Variants in LGSN observed in about 807,000 individuals in gnomAD.
LGSN encodes lengsin, lens protein with glutamine synthetase domain.
In LGSN, 21 loss-of-function variants were observed where a neutral mutation model predicts 19.5. That is an observed-to-expected ratio of 1.07 (90% CI 0.76 to 1.55). The LOEUF is 1.55. Ranked by LOEUF, LGSN falls within the 40% of genes most tolerant of loss-of-function variation. The probability of loss-of-function intolerance (pLI) is 0.00; values close to 1 mark genes in which losing one functional copy is unlikely to be tolerated. For synonymous variants in LGSN, 257 were observed against 215.6 expected (o/e 1.19, Z -1.68); for missense variants, 673 against 608.5 (o/e 1.11, Z -1.12).
At chr6:63,416,125 CTT>C in the LGSN span, among the ~76,000 whole-genome samples, 3 of 136,334 alleles carry the variant, frequency 2.2e-5, no homozygotes, top group Admixed American at 7.3e-5. Context: ...TTTTTTTTTG[CTT>C]TTTTTTTTTC....
At chr6:63,324,124 C>T (rs1769169965), upstream of LGSN, among the ~76,000 whole-genome samples, 1 of 152,118 alleles carries the variant, frequency 6.6e-6, no homozygotes, top group South Asian at 2.1e-4. Context: ...GAAAACTTCA[C>T]TATACACTAA....
chr6:63,348,426 C>G, the LGSN span, among the ~76,000 whole-genome samples: 2 of 152,122 alleles, frequency 1.3e-5, no homozygotes, highest in East Asian at 3.9e-4. Flanking sequence ...TGCACTCCAG[C>G]CTGGGCGACA....
the LGSN span, among the ~76,000 whole-genome samples, chr6:63,554,267 C>A: frequency 3.3e-5 from 5 of 152,158 alleles, no homozygotes; most frequent in African/African-American, 1.2e-4. Flanking sequence ...AGCTTCTTGT[C>A]TCTCTTAAAC....
At chr6:63,500,015 A>G in the LGSN span, among the ~76,000 whole-genome samples, 1 of 152,210 alleles carries the variant, frequency 6.6e-6, no homozygotes, top group East Asian at 1.9e-4. Context: ...AAGTTCTTAG[A>G]CATCTCTCTG....
chr6:63,290,178 G>T (rs1767710082), intron 2 of LGSN, among the ~76,000 whole-genome samples: 1 of 152,024 alleles, frequency 6.6e-6, no homozygotes, highest in Non-Finnish European at 1.5e-5. Flanking sequence ...ATATGTATTG[G>T]TTTGCAGTTT....
chr6:63,487,964 A>C, the LGSN span, among the ~76,000 whole-genome samples: 1 of 150,762 alleles, frequency 6.6e-6, no homozygotes, highest in African/African-American at 2.5e-5. Flanking sequence ...CGGGCAACAG[A>C]GCAAGACCCC....
At chr6:63,367,196 C>T in the LGSN span, among the ~76,000 whole-genome samples, 1 of 152,156 alleles carries the variant, frequency 6.6e-6, no homozygotes, top group African/African-American at 2.4e-5. Flanking sequence ...ACTCATCTGA[C>T]AAAGGGCTAA....
chr6:63,327,071 C>A, the LGSN span, among the ~76,000 whole-genome samples: 2 of 152,082 alleles, frequency 1.3e-5, no homozygotes, highest in Non-Finnish European at 2.9e-5. Flanking sequence ...GGCTGATGAC[C>A]ACTCTAGCTA....
At chr6:63,484,561 T>C in the LGSN span, among the ~76,000 whole-genome samples, 1 of 151,936 alleles carries the variant, frequency 6.6e-6, no homozygotes, top group African/African-American at 2.4e-5. Context: ...ACTACCCAGA[T>C]GTAAAGACCA....
At chr6:63,476,043 A>AT in the LGSN span, among the ~76,000 whole-genome samples, 573 of 151,956 alleles carry the variant, frequency 3.8e-3, 5 homozygotes, top group African/African-American at 0.013. Flanking sequence ...TATTATGTAG[A>AT]TTTTTTGTTT....
the LGSN span, among the ~76,000 whole-genome samples, chr6:63,516,784 A>G: frequency 6.6e-6 from 1 of 152,220 alleles, no homozygotes; most frequent in Non-Finnish European, 1.5e-5. Flanking sequence ...AGAAAGGGGT[A>G]GGACTTCCTC....
At chr6:63,484,268 C>G in the LGSN span, among the ~76,000 whole-genome samples, 2 of 152,246 alleles carry the variant, frequency 1.3e-5, no homozygotes, top group African/African-American at 4.8e-5. Flanking sequence ...TTTAGGAGGC[C>G]AAGAAGGGCA....
the LGSN span, chr6:63,572,674 C>T: frequency 1.2e-5 from 5 of 409,604 alleles, no homozygotes; most frequent in South Asian, 5.5e-4. Context: ...GCCTCGGGAC[C>T]GGCTGTATGA....
chr6:63,563,200 C>T, the LGSN span, among the ~76,000 whole-genome samples: 19,696 of 152,154 alleles, frequency 0.13, 1,588 homozygotes, highest in African/African-American at 0.22. Flanking sequence ...AAAAACAATT[C>T]TCTTAAAACA....
At chr6:63,416,777 A>C in the LGSN span, among the ~76,000 whole-genome samples, 1 of 151,970 alleles carries the variant, frequency 6.6e-6, no homozygotes, top group Non-Finnish European at 1.5e-5. Flanking sequence ...CATGTTGGCC[A>C]AGCTGGTCTT....
At chr6:63,325,467 C>G in the LGSN span, among the ~76,000 whole-genome samples, 14 of 152,140 alleles carry the variant, frequency 9.2e-5, no homozygotes. Context: ...AACAATTATA[C>G]ACTAACAAAC....
At chr6:63,387,389 T>A in the LGSN span, among the ~76,000 whole-genome samples, 1 of 152,154 alleles carries the variant, frequency 6.6e-6, no homozygotes, top group Non-Finnish European at 1.5e-5. Flanking sequence ...ATTTACATAA[T>A]TTACATATTA....
the LGSN span, among the ~76,000 whole-genome samples, chr6:63,336,173 T>C: frequency 2.0e-5 from 3 of 152,236 alleles, no homozygotes; most frequent in East Asian, 1.9e-4. Context: ...GGTGAGACTA[T>C]ACAACGCATT....
chr6:63,446,039 A>G, the LGSN span, among the ~76,000 whole-genome samples: 1 of 152,082 alleles, frequency 6.6e-6, no homozygotes, highest in African/African-American at 2.4e-5. Context: ...ACTCGAGGTC[A>G]GGAGTTCGAG....
Sources: gnomAD v4.1 joint callset for allele counts (sites outside exome capture counted in the v4.1 genomes callset) on GRCh38, gnomAD v4.1.1 for gene constraint, MANE v1.5 for transcripts, NCBI Gene and HGNC (gene_info 2026-07-23, HGNC 2026-07-21) for gene names.